Variants in GALNT13 observed in about 807,000 individuals in gnomAD.
GALNT13 encodes UDP-GalNAc:polypeptide N-acetylgalactosaminyltransferase 13.
Under a neutral mutation model 64.2 loss-of-function variants are expected in GALNT13, and 28 were observed. The observed-to-expected ratio is 0.44, with a 90% CI of 0.32 to 0.60. The LOEUF (loss-of-function observed/expected upper bound fraction) is 0.60. GALNT13 is among the 20% of genes least tolerant of loss of function. The probability of loss-of-function intolerance (pLI) is 0.05; values close to 1 mark genes in which losing one functional copy is unlikely to be tolerated. For missense variants in GALNT13, 577 were observed against 669.8 expected, an observed-to-expected ratio of 0.86 and a Z score of 1.53; for synonymous variants, 214 against 224.6, an observed-to-expected ratio of 0.95 and a Z score of 0.42.
upstream of GALNT13, among the ~76,000 whole-genome samples, chr2:153,868,596 A>G (rs531047322): frequency 2.0e-4 from 30 of 152,362 alleles, no homozygotes; most frequent in Admixed American, 5.2e-4. Context: ...TAATTTCAGC[A>G]AGACATAACT....
the GALNT13 span, among the ~76,000 whole-genome samples, chr2:153,743,640 C>T: frequency 6.6e-6 from 1 of 151,794 alleles, no homozygotes; most frequent in Non-Finnish European, 1.5e-5. Flanking sequence ...AAAGGGTTAC[C>T]CATCTCTTCA....
chr2:153,890,371 G>A (rs1220349949), intron 1 of GALNT13, among the ~76,000 whole-genome samples: 5 of 152,094 alleles, frequency 3.3e-5, no homozygotes, highest in Non-Finnish European at 5.9e-5. Flanking sequence ...AGGACAGGGA[G>A]TTTTGTTAGT....
At chr2:153,473,410 T>G in the GALNT13 span, among the ~76,000 whole-genome samples, 1 of 152,184 alleles carries the variant, frequency 6.6e-6, no homozygotes, top group East Asian at 1.9e-4. Flanking sequence ...TCAAGTCTTT[T>G]AAACATTTAA....
chr2:153,615,967 G>A, the GALNT13 span, among the ~76,000 whole-genome samples: 22 of 151,988 alleles, frequency 1.4e-4, no homozygotes, highest in South Asian at 2.1e-3. Context: ...TTTTGCTTTC[G>A]TTGCCTGTGC....
In GALNT13 at chr2:153,953,466, A is replaced by T. The variant is rs1459827967; in HGVS notation, c.142+8827A>T. On this transcript the variant is annotated intron_variant, in intron 3 of 12. Transcript: ENST00000392825. Reference sequence around the variant, plus strand: ...ATTATTATTATTTTACATGTGAGGAACTGAGACAAAGAGAGGGTAAAGAGA... The same window carrying T: ...ATTATTATTATTTTACATGTGAGGATCTGAGACAAAGAGAGGGTAAAGAGA... Among the ~76,000 whole-genome samples, 3 of 152,152 alleles carry T rather than the reference A, an allele frequency of 2.0e-5. No individual in the cohort carries two copies. In the East Asian group the frequency reaches 5.8e-4, roughly 29 times the overall value.
chr2:153,118,106 C>CTAA, the GALNT13 span, among the ~76,000 whole-genome samples: 1 of 123,134 alleles, frequency 8.1e-6, no homozygotes, highest in African/African-American at 3.1e-5. Context: ...TCACTATGTA[C>CTAA]CAACACACAC....
the GALNT13 span, among the ~76,000 whole-genome samples, chr2:153,369,575 C>T: frequency 1.1e-4 from 17 of 152,236 alleles, no homozygotes; most frequent in East Asian, 3.3e-3. Context: ...CATGCCTGTA[C>T]GTAATCTCCT....
chr2:154,203,836 C>T (rs539895667), intron 4 of GALNT13, among the ~76,000 whole-genome samples: 4 of 152,122 alleles, frequency 2.6e-5, no homozygotes, highest in Admixed American at 6.5e-5. Context: ...GCCATTGCAC[C>T]GTTGTCTACC....
chr2:154,078,010 C>T (rs1701078535), intron 3 of GALNT13, among the ~76,000 whole-genome samples: 1 of 151,430 alleles, frequency 6.6e-6, no homozygotes, highest in African/African-American at 2.4e-5. Context: ...CAGTTGTAAA[C>T]CGTGTTGTAG....
chr2:154,406,367 C>T (rs945006429), intron 10 of GALNT13, among the ~76,000 whole-genome samples: 4 of 152,072 alleles, frequency 2.6e-5, no homozygotes, highest in Non-Finnish European at 5.9e-5. Flanking sequence ...GCACAGCAGC[C>T]ACAATAAGCT....
the GALNT13 span, among the ~76,000 whole-genome samples, chr2:153,182,560 G>T: frequency 6.6e-6 from 1 of 152,072 alleles, no homozygotes; most frequent in Admixed American, 6.5e-5. Flanking sequence ...TAGGTATCAA[G>T]CCCAGCATCC....
chr2:154,236,992 C>T (rs1291965424), intron 4 of GALNT13, among the ~76,000 whole-genome samples: 1 of 151,844 alleles, frequency 6.6e-6, no homozygotes, highest in Non-Finnish European at 1.5e-5. Flanking sequence ...AATTTTTTTA[C>T]AATTAATGTC....
At chr2:153,369,310 G>A in the GALNT13 span, among the ~76,000 whole-genome samples, 8 of 151,670 alleles carry the variant, frequency 5.3e-5, no homozygotes, top group Admixed American at 2.6e-4. Flanking sequence ...ATATAAAATC[G>A]TATGTCAATG....
the GALNT13 span, among the ~76,000 whole-genome samples, chr2:153,708,440 T>C: frequency 1.3e-5 from 2 of 152,262 alleles, no homozygotes; most frequent in South Asian, 4.1e-4. Context: ...ATGCATTTGA[T>C]TGGCTGTGTA....
chr2:153,325,114 GTTTTTTTTTTTT>G, the GALNT13 span, among the ~76,000 whole-genome samples: 4 of 72,634 alleles, frequency 5.5e-5, no homozygotes, highest in South Asian at 5.6e-4. Flanking sequence ...CTGGACCTGG[GTTTTTTTTTTTT>G]TTTTTTTTTT....
chr2:153,085,918 G>A, the GALNT13 span, among the ~76,000 whole-genome samples: 48 of 152,308 alleles, frequency 3.2e-4, 1 homozygote, highest in South Asian at 9.9e-3. Flanking sequence ...CAGGAGGGAG[G>A]CTGTGCCCTG....
chr2:154,078,650 T>G (rs1192855482), intron 3 of GALNT13, among the ~76,000 whole-genome samples: 3 of 151,344 alleles, frequency 2.0e-5, no homozygotes, highest in Non-Finnish European at 4.4e-5. Flanking sequence ...ATATTACATA[T>G]GATGAACTTT....
chr2:153,189,996 T>G, the GALNT13 span, among the ~76,000 whole-genome samples: 1 of 152,118 alleles, frequency 6.6e-6, no homozygotes, highest in Non-Finnish European at 1.5e-5. Flanking sequence ...AATATTAGTC[T>G]CTTTTTGAAT....
chr2:154,324,155 G>A (rs1327869782), intron 9 of GALNT13, among the ~76,000 whole-genome samples: 1 of 151,738 alleles, frequency 6.6e-6, no homozygotes, highest in Non-Finnish European at 1.5e-5. Flanking sequence ...GTTCCAATGA[G>A]AATTCCTCGA....
Sources: allele counts gnomAD v4.1 joint callset (sites outside exome capture counted in the v4.1 genomes callset), GRCh38; gene constraint gnomAD v4.1.1; transcripts MANE v1.5; gene names NCBI Gene and HGNC (gene_info 2026-07-23, HGNC 2026-07-21).